Variants in AASS observed in about 807,000 individuals in gnomAD.
The protein encoded by AASS is alpha-aminoadipic semialdehyde synthase, mitochondrial.
A neutral mutation model predicts 105.4 loss-of-function variants in AASS; 86 were observed. That is an observed-to-expected ratio of 0.82 (90% CI 0.69 to 0.98). AASS has a LOEUF of 0.98. Ranked by LOEUF, AASS falls within the 50% of genes least tolerant of loss-of-function variation. The pLI is 0.00. For synonymous variants in AASS, 381 were observed against 394.8 expected (o/e 0.96, Z 0.41); for missense variants, 1,048 against 1,143.2 (o/e 0.92, Z 1.20).
At chr7:122,117,620 T>C (rs1049082649) in intron 6 of AASS, among the ~76,000 whole-genome samples, 1 of 151,852 alleles carries the variant, frequency 6.6e-6, no homozygotes, top group Non-Finnish European at 1.5e-5. Flanking sequence ...CAATGAATTA[T>C]CTTATTTATT....
chr7:122,107,254 T>C (rs936189930), intron 11 of AASS, among the ~76,000 whole-genome samples: 4 of 152,138 alleles, frequency 2.6e-5, no homozygotes, highest in Admixed American at 2.6e-4. Flanking sequence ...CTGGTGAGGT[T>C]GTGGAGAAAA....
Position 122,074,743 on chromosome 7 carries a change from C to G in AASS, c.*1746G>C, listed in dbSNP as rs1435520997. Among the ~76,000 whole-genome samples the G allele has an allele frequency of 3.3e-5, 5 of 152,172 alleles. No individual in the cohort carries two copies. Among genetic ancestry groups the G allele is most frequent in the African/African-American group, 1.2e-4 (5 of 41,444 alleles). On this transcript the variant is annotated 3_prime_UTR_variant, in exon 24 of 24. Coordinates refer to ENST00000417368, the MANE Select transcript of AASS (RefSeq NM_005763.4). ...TTAATGAAAAAGACTATTTTGCCCC[C>G]ATTGAATTGTCTTAGCACTATTTTC...
In AASS at chr7:122,098,575, T is replaced by C. The variant is rs1304248072; in HGVS notation, c.1530A>G (p.Gly510=). ...GTTCAATTTGATTCTTCATGTCAGA[T>C]CCTATTTCAGTAATTAAAAGTCACA... ...SRDGNIEITV[G]SDMKNQIEQL... Residue 510 remains glycine (G), a splice_region_variant and synonymous_variant, in exon 15 of 24, where the codon GGA becomes GGG. Transcript: ENST00000417368. 2 of 1,607,764 alleles carry C rather than the reference T, an allele frequency of 1.2e-6. No individual in the cohort carries two copies. The highest frequency in any genetic ancestry group is 1.7e-6 in the Non-Finnish European group (2 of 1,175,580).
At chr7:122,084,105 G>C (rs1793508234) in intron 19 of AASS, among the ~76,000 whole-genome samples, 1 of 151,914 alleles carries the variant, frequency 6.6e-6, no homozygotes. Flanking sequence ...AAAAAAAAAA[G>C]TTTTTACTCA....
chr7:122,118,252 G>A (rs2150539153), intron 6 of AASS, 55 bp downstream of exon 6: 1 of 1,598,082 alleles, frequency 6.3e-7, no homozygotes, highest in South Asian at 1.1e-5. Context: ...CACATCATTT[G>A]GGTTAGTTTC....
intron 18 of AASS, among the ~76,000 whole-genome samples, chr7:122,089,063 A>G (rs527828390): frequency 6.6e-6 from 1 of 152,030 alleles, no homozygotes; most frequent in Non-Finnish European, 1.5e-5. Flanking sequence ...AAATTCAAGC[A>G]GAAGTCAGAG....
rs943778455 is a variant in AASS, at chr7:122,108,046, T to C, written c.1278+5072A>G. On this transcript the variant is annotated intron_variant, in intron 11 of 23. Transcript: ENST00000417368. ...TAAGAGAGCATTATGAACAATGATATGCCAAAAACTTGGAAAACCTAGAAG... is the reference window on the plus strand; with the variant it reads ...TAAGAGAGCATTATGAACAATGATACGCCAAAAACTTGGAAAACCTAGAAG... Among the ~76,000 whole-genome samples the C allele has an allele frequency of 2.0e-5, 3 of 149,754 alleles. No homozygotes were observed. The East Asian group carries it at 5.8e-4, about 29-fold the overall frequency.
In AASS at chr7:122,076,565, T is replaced by G; in HGVS notation, c.2705A>C (p.Glu902Ala). 6.2e-7 allele frequency: 1 copy of G among 1,613,920 alleles called. No homozygotes were observed. Among genetic ancestry groups the G allele is most frequent in the Non-Finnish European group, 8.5e-7 (1 of 1,179,824 alleles). The stretch of plus-strand genomic sequence containing the variant: ...TCGCTCCAATATTGGTCCATAGATC[T>G]CCTTTGAAAAGGGCCCCATTAGGCC... ...AKGLMGPFSK[E>A]IYGPILERIK... Residue 902 changes from glutamate to alanine, a missense_variant, in exon 24 of 24, where the codon GAG (glutamate) becomes GCG (alanine). Physicochemically the swap from Glu to Ala is moderately radical, Grantham distance 107. Coordinates refer to ENST00000417368, the MANE Select transcript of AASS (RefSeq NM_005763.4).
intron 6 of AASS, 45 bp from the exon 7 acceptor site, chr7:122,117,002 GA>G: frequency 6.6e-7 from 1 of 1,524,938 alleles, no homozygotes; most frequent in Non-Finnish European, 9.1e-7. Context: ...AATAGAAAAA[GA>G]ACCAACATGG....
chr7:122,075,492 C>T lies in AASS; in HGVS notation c.*997G>A, dbSNP rs1018842535. Among the ~76,000 whole-genome samples the T allele has an allele frequency of 1.3e-5, 2 of 152,162 alleles. No individual in the cohort carries two copies. Among genetic ancestry groups the T allele is most frequent in the African/African-American group, 4.8e-5 (2 of 41,428 alleles). ...AATAGAAATGGCCAAAGCAGACATCCTTGTCTTGTTTCTGATCTCAGGGGG... is the reference window on the plus strand; with the variant it reads ...AATAGAAATGGCCAAAGCAGACATCTTTGTCTTGTTTCTGATCTCAGGGGG... On this transcript the variant is annotated 3_prime_UTR_variant, in exon 24 of 24. Transcript: ENST00000417368.
Position 122,103,443 on chromosome 7 carries a change from C to G in AASS, c.1279-1763G>C, listed in dbSNP as rs186587919. Among the ~76,000 whole-genome samples, 11 of 152,038 alleles carry G rather than the reference C, an allele frequency of 7.2e-5. No individual in the cohort carries two copies. In the East Asian group the frequency reaches 1.9e-3, roughly 27 times the overall value. Reference sequence around the variant, plus strand: ...AGGGAATTCTTCACCACTAGAGCTGCTCTATAAGAAATGCTTAAGGGAGTT... The same window carrying G: ...AGGGAATTCTTCACCACTAGAGCTGGTCTATAAGAAATGCTTAAGGGAGTT... On this transcript the variant is annotated intron_variant, in intron 11 of 23. Transcript: ENST00000417368.
intron 18 of AASS, among the ~76,000 whole-genome samples, chr7:122,088,387 C>G (rs1176093549): frequency 1.3e-5 from 2 of 152,080 alleles, no homozygotes; most frequent in Non-Finnish European, 2.9e-5. Context: ...TGGGCATTAT[C>G]TTTAATCCAT....
At chr7:122,125,510 G>A (rs900643740) in intron 4 of AASS, among the ~76,000 whole-genome samples, 12 of 152,126 alleles carry the variant, frequency 7.9e-5, no homozygotes, top group African/African-American at 2.9e-4. Flanking sequence ...AACCTGACAC[G>A]TCCACCCTAC....
chr7:122,099,048 C>A (rs1280871957), intron 13 of AASS, among the ~76,000 whole-genome samples, 182 bp from the exon 14 acceptor site: 1 of 151,692 alleles, frequency 6.6e-6, no homozygotes, highest in Non-Finnish European at 1.5e-5. Context: ...CAACATGTTT[C>A]TTTAATTATT....
At chr7:122,113,569 A>G in intron 10 of AASS, 29 bp downstream of exon 10, 1 of 1,611,798 alleles carries the variant, frequency 6.2e-7, no homozygotes, top group East Asian at 2.2e-5. Context: ...TAAGTGAGGA[A>G]TATCATCTAA....
intron 15 of AASS, among the ~76,000 whole-genome samples, chr7:122,095,774 G>C (rs533069552): frequency 1.5e-4 from 23 of 152,134 alleles, no homozygotes; most frequent in African/African-American, 5.5e-4. Context: ...AAATTTAGTA[G>C]ACTTTTGGAA....
chr7:122,089,898 T>C (rs944530947), intron 18 of AASS, among the ~76,000 whole-genome samples: 6 of 152,190 alleles, frequency 3.9e-5, no homozygotes, highest in Non-Finnish European at 7.3e-5. Context: ...TTGTCCTGCC[T>C]TCACATGTTA....
chr7:122,114,944 C>A (rs1278325681), intron 9 of AASS, 130 bp downstream of exon 9: 2 of 1,255,264 alleles, frequency 1.6e-6, no homozygotes, highest in South Asian at 2.4e-5. Context: ...TGAGTACTGC[C>A]AAGAGGTCAA....
At chr7:122,113,382 C>T (rs1234913071) in intron 10 of AASS, among the ~76,000 whole-genome samples, 153 bp from the exon 11 acceptor site, 1 of 152,138 alleles carries the variant, frequency 6.6e-6, no homozygotes, top group Non-Finnish European at 1.5e-5. Context: ...TCAAACAAAA[C>T]GTTTTCCTTC....
Sources: allele counts gnomAD v4.1 joint callset (sites outside exome capture counted in the v4.1 genomes callset), GRCh38; gene constraint gnomAD v4.1.1; transcripts MANE v1.5; gene names NCBI Gene and HGNC (gene_info 2026-07-23, HGNC 2026-07-21).